C7: variants seen among roughly 807,000 people sequenced by gnomAD.
The protein encoded by C7 is complement C7, also known as complement component C7.
Under a neutral mutation model 104.8 loss-of-function variants are expected in C7, and 83 were observed. The ratio of observed to expected loss-of-function variants is 0.79; its 90% CI spans 0.66 to 0.95. C7 has a LOEUF of 0.95. Ranked by LOEUF, C7 falls within the 40% of genes least tolerant of loss-of-function variation. The pLI, the probability that C7 is intolerant of heterozygous loss-of-function variation, is 0.00. For synonymous variants in C7, 415 were observed against 360.6 expected, an observed-to-expected ratio of 1.15 and a Z score of -1.71; for missense variants, 1,070 against 1,011.2, an observed-to-expected ratio of 1.06 and a Z score of -0.79.
chr5:40,975,624 A>G (rs1157858735), intron 15 of C7, among the ~76,000 whole-genome samples: 2 of 152,134 alleles, frequency 1.3e-5, no homozygotes, highest in Non-Finnish European at 2.9e-5. Flanking sequence ...TCGGCCTCCC[A>G]AAGTGCTGAG....
chr5:40,918,277 T>C (rs1268919900), intron 1 of C7, among the ~76,000 whole-genome samples: 1 of 151,866 alleles, frequency 6.6e-6, no homozygotes, highest in Non-Finnish European at 1.5e-5. Flanking sequence ...GGAGCATCAT[T>C]TGAGCCTGGG....
chr5:40,972,927 AT>A (rs959486961), intron 15 of C7, among the ~76,000 whole-genome samples: 7 of 152,078 alleles, frequency 4.6e-5, no homozygotes, highest in East Asian at 1.9e-4. Context: ...TTTCCTCTAG[AT>A]TTTTTTCCCC....
chr5:40,940,625 G>A (rs1339740241), intron 6 of C7, among the ~76,000 whole-genome samples: 1 of 152,066 alleles, frequency 6.6e-6, no homozygotes, highest in Non-Finnish European at 1.5e-5. Context: ...GTTGGTATGA[G>A]GACTAGATAC....
At chr5:40,925,761 A>T (rs1215148616) in intron 1 of C7, among the ~76,000 whole-genome samples, 1 of 152,326 alleles carries the variant, frequency 6.6e-6, no homozygotes, top group East Asian at 1.9e-4. Flanking sequence ...GATTTTACTC[A>T]TGGCGGAAGG....
chr5:40,963,172 G>A (rs998865678), intron 13 of C7, among the ~76,000 whole-genome samples: 6 of 152,154 alleles, frequency 3.9e-5, no homozygotes, highest in Non-Finnish European at 5.9e-5. Context: ...GTTGTTTTAG[G>A]AGCCAGGAGT....
At chr5:40,965,753 T>C (rs1363040073) in intron 14 of C7, among the ~76,000 whole-genome samples, 1 of 151,682 alleles carries the variant, frequency 6.6e-6, no homozygotes, top group Non-Finnish European at 1.5e-5. Context: ...GTGATTCTTG[T>C]GCCTCAGCCT....
chr5:40,924,402 C>T (rs1739507913), intron 1 of C7, among the ~76,000 whole-genome samples: 1 of 152,208 alleles, frequency 6.6e-6, no homozygotes, highest in South Asian at 2.1e-4. Context: ...ACCACAGTTG[C>T]TCTCATGGGT....
chr5:40,951,842 A>G (rs2455303), intron 9 of C7, among the ~76,000 whole-genome samples: 123,754 of 152,162 alleles, frequency 0.81, 50,406 homozygotes, highest in Middle Eastern at 0.87. Flanking sequence ...GGAGGAAGAT[A>G]AGTAGTAAAA....
chr5:40,951,928 T>C (rs1740179803), intron 9 of C7, among the ~76,000 whole-genome samples: 1 of 152,212 alleles, frequency 6.6e-6, no homozygotes, highest in South Asian at 2.1e-4. Flanking sequence ...AGGAATCGTT[T>C]TAGACACTCA....
At chr5:40,972,892 A>G (rs1396468989) in intron 15 of C7, among the ~76,000 whole-genome samples, 1 of 152,150 alleles carries the variant, frequency 6.6e-6, no homozygotes, top group Non-Finnish European at 1.5e-5. Flanking sequence ...GGATTTTTAA[A>G]ATCTGTTTTT....
At chr5:40,968,920 A>G (rs921231323) in intron 14 of C7, among the ~76,000 whole-genome samples, 5 of 151,792 alleles carry the variant, frequency 3.3e-5, no homozygotes, top group Admixed American at 1.3e-4. Context: ...CTATTTTTCA[A>G]TTTTAGAGGT....
intron 6 of C7, among the ~76,000 whole-genome samples, chr5:40,939,194 G>C (rs533972282): frequency 4.8e-4 from 73 of 152,268 alleles, no homozygotes; most frequent in African/African-American, 1.6e-3. Context: ...CAAACATACC[G>C]TCTTCCAATT....
At position 40,965,398 on chromosome 5, in the gene C7, T is replaced by TAC. The variant is rs747140235; in HGVS notation, c.1882+537_1882+538dup. Among the ~76,000 whole-genome samples the TAC allele has an allele frequency of 2.9e-3, 443 of 151,864 alleles. 2 individuals carry two copies. The highest frequency in any genetic ancestry group is 6.8e-3 in the Middle Eastern group (2 of 292). On this transcript the variant is annotated intron_variant, in intron 14 of 17. Transcript: ENST00000313164. ...GTGCTATATGAGGAAAGCGCTAGTG[T>TAC]ACACACACACACATACATATATTTC...
chr5:40,955,339 T>A (rs774401289), intron 9 of C7, 48 bp from the exon 10 acceptor site: 49 of 1,544,108 alleles, frequency 3.2e-5, no homozygotes, highest in Middle Eastern at 1.7e-4. Context: ...ATAGTTTTTT[T>A]AAATACTTGA....
chr5:40,958,267 T>A lies in C7; in HGVS notation c.1489+6T>A. 6.4e-7 allele frequency: 1 copy of A among 1,574,260 alleles called. No homozygotes were observed. Among genetic ancestry groups the A allele is most frequent in the Admixed American group, 1.8e-5 (1 of 56,688 alleles). ...CCTCGTAGGGAATCAAGCAGGTCAG[T>A]GGGGTGAATTTTCTCTAGCCACCCT... On this transcript the variant is annotated splice_donor_region_variant and intron_variant, in intron 11 of 17. Transcript: ENST00000313164.
chr5:40,936,583 T>C (rs1465965941), intron 5 of C7, 98 bp downstream of exon 5: 8 of 1,109,636 alleles, frequency 7.2e-6, no homozygotes, highest in East Asian at 2.6e-5. Flanking sequence ...AGTCTTCTAA[T>C]AGGCAAGATT....
At chr5:40,960,214 A>G (rs1740394981) in intron 12 of C7, among the ~76,000 whole-genome samples, 2 of 152,210 alleles carry the variant, frequency 1.3e-5, no homozygotes, top group African/African-American at 4.8e-5. Context: ...TTGATGAATC[A>G]TAGCCCTGGG....
Position 40,947,836 on chromosome 5 carries a change from A to C in C7, c.973A>C (p.Lys325Gln). ...ATTTTATGTGGACTCAGAAAAATTA[A>C]AACAAAATGGTACAGTATTAAAAAA... ...VLFYVDSEKL[K>Q]QNDFNSVEEK... is the part of the protein sequence containing the mutation. The change falls in exon 8 of 18, where the codon AAA becomes CAA. Residue 325 changes from lysine (K) to glutamine (Q), a missense_variant. By Grantham distance (53) the Lys-to-Gln change is moderately conservative. Transcript: ENST00000313164. 3 of 1,611,712 alleles carry C rather than the reference A, an allele frequency of 1.9e-6. No homozygotes were observed. The South Asian group carries it at 3.3e-5, about 18-fold the overall frequency.
intron 13 of C7, among the ~76,000 whole-genome samples, chr5:40,963,303 A>C (rs912325526): frequency 6.6e-6 from 1 of 152,216 alleles, no homozygotes; most frequent in African/African-American, 2.4e-5. Flanking sequence ...GTACAGCCTA[A>C]GAGTCTATTT....
Sources: allele counts gnomAD v4.1 joint callset (sites outside exome capture counted in the v4.1 genomes callset), GRCh38; gene constraint gnomAD v4.1.1; transcripts MANE v1.5; gene names NCBI Gene and HGNC (gene_info 2026-07-23, HGNC 2026-07-21).